Variants in CHAF1A observed in about 807,000 individuals in gnomAD.
CHAF1A encodes the protein chromatin assembly factor 1 subunit A.
In CHAF1A, 5 loss-of-function variants were observed where a neutral mutation model predicts 93.2. The observed-to-expected ratio is 0.05, with a 90% CI of 0.03 to 0.11. The LOEUF (loss-of-function observed/expected upper bound fraction) is 0.11. CHAF1A is among the 10% of genes least tolerant of loss of function. The probability of loss-of-function intolerance (pLI) is 1.00; values close to 1 mark genes in which losing one functional copy is unlikely to be tolerated. For synonymous variants in CHAF1A, 504 were observed against 510.3 expected (o/e 0.99, Z 0.17); for missense variants, 1,102 against 1,259.9 (o/e 0.87, Z 1.90).
rs146690112 is a variant in CHAF1A at position 4,430,560 on chromosome 19, C to G, written c.1866C>G (p.Asp622Glu). 30 of 1,584,668 alleles carry G rather than the reference C, an allele frequency of 1.9e-5. No individual in the cohort carries two copies. The highest frequency in any genetic ancestry group is 2.6e-5 in the Non-Finnish European group (30 of 1,153,830). ...TTTCTCCTTTTGAGGATGATGATGA[C>G]GACATGGGAGAGGATGAAGATGAGG... ...SLSHSEGDDD[D>E]DMGEDEDEDD... The change falls in exon 11 of 15, where the codon GAC becomes GAG. Residue 622 changes from aspartate to glutamate, a missense_variant. By Grantham distance (45) the Asp-to-Glu change is conservative (BLOSUM62 2). Around this residue, in one of 6 missense-constraint regions of CHAF1A, gnomAD observed 335 missense variants for 361.9 expected, o/e 0.93. Transcript: ENST00000301280.
In CHAF1A at chr19:4,433,963, G is replaced by A. The variant is rs1228161193; in HGVS notation, c.2673+424G>A. Among the ~76,000 whole-genome samples the A allele has an allele frequency of 6.6e-6, 1 of 152,068 alleles. No individual in the cohort carries two copies. The highest frequency in any genetic ancestry group is 1.9e-4 in the East Asian group (1 of 5,192). On this transcript the variant is annotated intron_variant, in intron 13 of 14. Transcript: ENST00000301280. The surrounding 1 kb of genome is among the most constrained non-coding windows in gnomAD (Gnocchi z 5.6). ...TTTAGGGTCACAGCAAAATCGATTG[G>A]AAGGTACAGAAAGTTCCCATACACC...
At chr19:4,423,471 A>G in intron 6 of CHAF1A, 76 bp downstream of exon 6, 2 of 1,608,276 alleles carry the variant, frequency 1.2e-6, no homozygotes, top group Non-Finnish European at 8.5e-7. Flanking sequence ...TTCTTGCCAC[A>G]GCCGTCACCT....
intron 13 of CHAF1A, among the ~76,000 whole-genome samples, chr19:4,435,715 G>T (rs1276489499): frequency 6.6e-6 from 1 of 152,164 alleles, no homozygotes; most frequent in Non-Finnish European, 1.5e-5. Context: ...AGACCTATCT[G>T]TCCCTGTGAA....
downstream of CHAF1A, chr19:4,448,549 A>G (rs1974589465): frequency 1.4e-6 from 1 of 725,014 alleles, no homozygotes. Flanking sequence ...CGCTCATCAC[A>G]GAAAGGAAAA....
downstream of CHAF1A, chr19:4,445,937 C>T: frequency 2.7e-6 from 4 of 1,480,616 alleles, no homozygotes; most frequent in South Asian, 5.4e-5. Context: ...GGGACCTGCC[C>T]AGGCCCCCTG....
rs1252381633 is a variant in CHAF1A at position 4,409,375 on chromosome 19, T to G, written c.576T>G (p.Gly192=). Residue 192 remains glycine (G), a synonymous_variant, in exon 3 of 15, where the codon GGT becomes GGG. Transcript: ENST00000301280. ...AGGAGGAGGGTGTTGGCTGTGGAGG[T>G]GCAGGGAGGAGAGGCGACTCCCAGG... ...KTEEEGVGCG[G]AGRRGDSQEC... is the part of the protein sequence containing the mutation. 25 of 1,613,604 alleles carry G rather than the reference T, an allele frequency of 1.5e-5. No individual in the cohort carries two copies. The highest frequency in any genetic ancestry group is 2.0e-5 in the Non-Finnish European group (24 of 1,179,952).
At chr19:4,448,304 GGCCACAC>G, downstream of CHAF1A, 2 of 1,594,426 alleles carry the variant, frequency 1.3e-6, no homozygotes, top group Non-Finnish European at 1.7e-6. Context: ...AGGGCAAAGG[GGCCACAC>G]GCTCACTTGG....
Position 4,433,634 on chromosome 19 carries a change from T to A in CHAF1A, c.2673+95T>A, listed in dbSNP as rs1213151221. ...TTTTTTTTTCGAGATGGAGTCCTGC[T>A]CTGTCACCCAGGCTGGAGTGCAGTG... On this transcript the variant is annotated intron_variant, in intron 13 of 14. Transcript: ENST00000301280. The surrounding 1 kb of genome is among the most constrained non-coding windows in gnomAD (Gnocchi z 5.6). 1 of 1,010,630 alleles carries A rather than the reference T, an allele frequency of 9.9e-7. No homozygotes were observed. Among genetic ancestry groups the A allele is most frequent in the Non-Finnish European group, 1.4e-6 (1 of 700,822 alleles). 62.6% of individuals were successfully genotyped at this position (1,010,630 alleles called of 1,614,324 possible).
rs1187786833 is a variant in CHAF1A at position 4,406,019 on chromosome 19, C to A, written c.103+57C>A. On this transcript the variant is annotated intron_variant, in intron 2 of 14. Transcript: ENST00000301280. ...TCGTAGTTTATAGTCTTCCTTGTCT[C>A]TTGTTGGAGACCTCAGTGGAAGCCT... 4 of 1,399,654 alleles carry A rather than the reference C, an allele frequency of 2.9e-6. No homozygotes were observed. The African/African-American group carries it at 4.2e-5, about 15-fold the overall frequency. The allele number at this position is 1,399,654 out of a possible 1,614,324, so 86.7% of individuals were successfully genotyped here.
At chr19:4,412,717 C>T (rs752858820) in intron 3 of CHAF1A, among the ~76,000 whole-genome samples, 1 of 152,174 alleles carries the variant, frequency 6.6e-6, no homozygotes, top group African/African-American at 2.4e-5. Context: ...ATTTAGGAAA[C>T]CCTGCATTTA....
chr19:4,418,166 G>A lies in CHAF1A; in HGVS notation c.1017+90G>A. On this transcript the variant is annotated intron_variant, in intron 4 of 14. Transcript: ENST00000301280. ...AGCCCTTTGAAGTTCCTTTGGTCTAGTTTTTACATTTTCCCCAGCCTTCTC... is the reference window on the plus strand; with the variant it reads ...AGCCCTTTGAAGTTCCTTTGGTCTAATTTTTACATTTTCCCCAGCCTTCTC... 1.9e-5 allele frequency: 16 copies of A among 837,958 alleles called. 1 individual carries two copies. In the South Asian group the frequency reaches 2.6e-4, roughly 14 times the overall value. 51.9% of individuals were successfully genotyped at this position (837,958 alleles called of 1,614,324 possible).
chr19:4,430,706 G>C, intron 11 of CHAF1A, 65 bp downstream of exon 11: 9 of 1,566,528 alleles, frequency 5.7e-6, no homozygotes, highest in Non-Finnish European at 7.9e-6. Context: ...GTGCTCAGTG[G>C]CCTGACCTGG....
chr19:4,411,318 C>T (rs913187840), intron 3 of CHAF1A, among the ~76,000 whole-genome samples: 8 of 152,250 alleles, frequency 5.3e-5, no homozygotes, highest in African/African-American at 1.9e-4. Context: ...CAACCTCCGC[C>T]TCTTGGGTTC....
downstream of CHAF1A, chr19:4,448,335 A>T (rs113855338): frequency 2.7e-5 from 44 of 1,608,282 alleles, no homozygotes; most frequent in African/African-American, 4.5e-4. Flanking sequence ...TGGTGTCCAC[A>T]CCCAGCTTCA....
Position 4,443,237 on chromosome 19 carries a change from T to G in CHAF1A, c.*212T>G, listed in dbSNP as rs1382941079. The G allele has an allele frequency of 5.4e-6, 3 of 553,162 alleles. No individual in the cohort carries two copies. In the East Asian group the frequency reaches 9.8e-5, roughly 18 times the overall value. 34.3% of individuals were successfully genotyped at this position (553,162 alleles called of 1,614,324 possible). ...TATGAATCTGCCCTTTAATAAAGCATTATTGAGATTGCTGGCCTATTGGGG... is the reference window on the plus strand; with the variant it reads ...TATGAATCTGCCCTTTAATAAAGCAGTATTGAGATTGCTGGCCTATTGGGG... On this transcript the variant is annotated 3_prime_UTR_variant, in exon 15 of 15. Coordinates refer to ENST00000301280, the MANE Select transcript of CHAF1A (RefSeq NM_005483.3).
At chr19:4,402,957 C>G in intron 1 of CHAF1A, 143 bp downstream of exon 1, 1 of 389,796 alleles carries the variant, frequency 2.6e-6, no homozygotes, top group Non-Finnish European at 4.2e-6. Context: ...GCCTTCTCAT[C>G]CCCAGCGAGG....
chr19:4,447,840 A>T, downstream of CHAF1A: 1 of 579,134 alleles, frequency 1.7e-6, no homozygotes, highest in Non-Finnish European at 3.1e-6. Flanking sequence ...CAGGAGCCCC[A>T]CGGAACCCCT....
intron 13 of CHAF1A, among the ~76,000 whole-genome samples, chr19:4,441,654 C>A (rs1428759457): frequency 6.6e-6 from 1 of 151,800 alleles, no homozygotes; most frequent in African/African-American, 2.4e-5. Context: ...CACCTGTAAT[C>A]CCAGCACTTT....
rs1973745546 is a variant in CHAF1A at position 4,409,314 on chromosome 19, C to T, written c.515C>T (p.Pro172Leu). ...KAIQNDKLAFPGETLSDIPCK... is the reference protein window; with the variant it reads ...KAIQNDKLAFLGETLSDIPCK... ...ATTCAGAACGACAAGTTGGCATTTC[C>T]TGGAGAGACCCTTTCAGACATTCCT... The change falls in exon 3 of 15, where the codon CCT (proline) becomes CTT (leucine). Residue 172 changes from proline (P) to leucine (L), a missense_variant. Pro to Leu is a moderately conservative substitution (Grantham distance 98, BLOSUM62 -3). Around this residue, in one of 6 missense-constraint regions of CHAF1A, gnomAD observed 379 missense variants for 365.7 expected, o/e 1.04. Coordinates refer to ENST00000301280, the MANE Select transcript of CHAF1A (RefSeq NM_005483.3). 2 of 1,614,130 alleles carry T rather than the reference C, an allele frequency of 1.2e-6. No individual in the cohort carries two copies. The highest frequency in any genetic ancestry group is 1.6e-4 in the Middle Eastern group (1 of 6,062).
Sources: gnomAD v4.1 joint callset for allele counts (sites outside exome capture counted in the v4.1 genomes callset) on GRCh38, gnomAD v4.1.1 for gene constraint, gnomAD v4.1.1 regional missense constraint, Gnocchi (gnomAD v3.1) non-coding constraint, MANE v1.5 for transcripts, NCBI Gene and HGNC (gene_info 2026-07-23, HGNC 2026-07-21) for gene names.